The following EPHB1 variants were observed in gnomAD, a reference collection of about 807,000 sequenced individuals.
EPHB1 encodes ephrin type-B receptor 1.
Under a neutral mutation model 94.4 loss-of-function variants are expected in EPHB1, and 30 were observed. The observed-to-expected ratio is 0.32, with a 90% CI of 0.24 to 0.43. The LOEUF (loss-of-function observed/expected upper bound fraction) is 0.43. Among genes scored for constraint, EPHB1 ranks in the 20% least tolerant of loss-of-function variants. EPHB1 has a pLI of 1.00. For missense variants in EPHB1, 1,055 were observed against 1,308.3 expected, an observed-to-expected ratio of 0.81 and a Z score of 2.99; for synonymous variants, 522 against 489.1, an observed-to-expected ratio of 1.07 and a Z score of -0.89.
chr3:134,806,662 A>C (rs1329967321), intron 1 of EPHB1, among the ~76,000 whole-genome samples: 1 of 152,198 alleles, frequency 6.6e-6, no homozygotes, highest in African/African-American at 2.4e-5. Flanking sequence ...TAAACCTAGA[A>C]AGGGACTTAG....
intron 15 of EPHB1, among the ~76,000 whole-genome samples, chr3:135,257,476 A>C (rs1224243122): frequency 6.6e-6 from 1 of 152,020 alleles, no homozygotes; most frequent in Non-Finnish European, 1.5e-5. Context: ...GTACCCTGCC[A>C]TGTGAGGTGT....
At chr3:134,804,069 C>CTTTTTTTTTTTTTT (rs1560240142) in intron 1 of EPHB1, among the ~76,000 whole-genome samples, 3 of 51,810 alleles carry the variant, frequency 5.8e-5, no homozygotes, top group Non-Finnish European at 1.0e-4. Flanking sequence ...TCATTATTGG[C>CTTTTTTTTTTTTTT]TATTTTTTTT....
chr3:134,871,798 A>G (rs1303450081), intron 1 of EPHB1, among the ~76,000 whole-genome samples: 1 of 152,100 alleles, frequency 6.6e-6, no homozygotes, highest in Non-Finnish European at 1.5e-5. Context: ...TTATGTCCAA[A>G]TGGGCGCTGC....
intron 3 of EPHB1, among the ~76,000 whole-genome samples, chr3:135,087,652 T>C (rs1178902797): frequency 1.3e-5 from 2 of 152,156 alleles, no homozygotes; most frequent in Non-Finnish European, 2.9e-5. Flanking sequence ...AGGATATCCA[T>C]GCACAATAAT....
chr3:135,133,161 G>T, intron 5 of EPHB1, 112 bp downstream of exon 5: 3 of 1,090,542 alleles, frequency 2.8e-6, no homozygotes, highest in Non-Finnish European at 3.9e-6. Context: ...TCAGGCCTCT[G>T]CCCAGGAGTG....
chr3:135,205,456 C>G (rs1005672780), intron 12 of EPHB1, among the ~76,000 whole-genome samples: 38 of 152,246 alleles, frequency 2.5e-4, no homozygotes, highest in Admixed American at 2.0e-3. Flanking sequence ...CATGTAATAG[C>G]TATGTCTTCT....
intron 1 of EPHB1, among the ~76,000 whole-genome samples, chr3:134,821,878 T>C (rs1490986660): frequency 6.6e-6 from 1 of 152,070 alleles, no homozygotes; most frequent in African/African-American, 2.4e-5. Flanking sequence ...TTTGGTCTAG[T>C]TGTGGGGGAA....
intron 1 of EPHB1, among the ~76,000 whole-genome samples, chr3:134,851,980 G>A (rs1469839831): frequency 1.3e-5 from 2 of 152,190 alleles, no homozygotes; most frequent in African/African-American, 4.8e-5. Flanking sequence ...CTGAATGTCT[G>A]TTTTGAAACT....
rs547362495 is a variant in EPHB1, at chr3:135,102,571, G to GT, written c.806-3877_806-3876insT. Among the ~76,000 whole-genome samples, 222 of 152,318 alleles carry GT rather than the reference G, an allele frequency of 1.5e-3. 1 individual carries two copies. The highest frequency in any genetic ancestry group is 5.1e-3 in the African/African-American group (211 of 41,568). ...CCTGGCACTTTCACCCTTGTTTTAAGCATGAATTCTATGAGAAAGTATAGC... is the reference window on the plus strand; with the variant it reads ...CCTGGCACTTTCACCCTTGTTTTAAGTCATGAATTCTATGAGAAAGTATAGC... On this transcript the variant is annotated intron_variant, in intron 3 of 15. Transcript: ENST00000398015.
intron 1 of EPHB1, among the ~76,000 whole-genome samples, chr3:134,822,149 C>T (rs1454251970): frequency 1.3e-5 from 2 of 152,188 alleles, no homozygotes; most frequent in African/African-American, 4.8e-5. Context: ...CTGGCAAAGA[C>T]GTCCCCTTCC....
At chr3:135,044,817 T>C (rs1346672009) in intron 3 of EPHB1, among the ~76,000 whole-genome samples, 1 of 152,254 alleles carries the variant, frequency 6.6e-6, no homozygotes, top group African/African-American at 2.4e-5. Flanking sequence ...TGCCTACTCA[T>C]TTCGAGTACA....
chr3:135,201,100 A>G (rs1942740817), intron 11 of EPHB1, among the ~76,000 whole-genome samples: 1 of 152,098 alleles, frequency 6.6e-6, no homozygotes, highest in African/African-American at 2.4e-5. Flanking sequence ...TTTTTAAGCC[A>G]GGGACTGACA....
chr3:134,929,045 C>A (rs892211204), intron 2 of EPHB1, among the ~76,000 whole-genome samples: 2 of 152,028 alleles, frequency 1.3e-5, no homozygotes, highest in African/African-American at 4.8e-5. Flanking sequence ...GGTGAAGAGT[C>A]AGTAGGAGGT....
At chr3:134,869,743 GCAGT>G (rs1202297763) in intron 1 of EPHB1, among the ~76,000 whole-genome samples, 4 of 75,072 alleles carry the variant, frequency 5.3e-5, no homozygotes, top group African/African-American at 4.0e-4. Context: ...AAAAGTGATA[GCAGT>G]TTTTTTTTAG....
chr3:135,036,668 G>C lies in EPHB1; in HGVS notation c.806-69780G>C, dbSNP rs560294382. On this transcript the variant is annotated intron_variant, in intron 3 of 15. Transcript: ENST00000398015. ...CATCTTCTTCTGAACCGTTGTATAA[G>C]CATGGGATAGGTTCCTTAACCTCTG... Among the ~76,000 whole-genome samples the C allele has an allele frequency of 2.0e-4, 30 of 152,276 alleles. No individual in the cohort carries two copies. In the South Asian group the frequency reaches 5.8e-3, roughly 29 times the overall value.
intron 3 of EPHB1, among the ~76,000 whole-genome samples, chr3:134,983,490 G>T (rs958188286): frequency 1.3e-5 from 2 of 152,206 alleles, no homozygotes; most frequent in Non-Finnish European, 2.9e-5. Flanking sequence ...AGACTCATCC[G>T]CTGGCCAGAG....
chr3:135,234,248 C>T (rs1943598336), intron 12 of EPHB1, among the ~76,000 whole-genome samples: 2 of 152,212 alleles, frequency 1.3e-5, no homozygotes, highest in South Asian at 4.1e-4. Context: ...CCACAGACCT[C>T]TAGGGCAGGG....
At chr3:135,142,063 G>T (rs1168949170) in intron 5 of EPHB1, among the ~76,000 whole-genome samples, 1 of 152,218 alleles carries the variant, frequency 6.6e-6, no homozygotes, top group Non-Finnish European at 1.5e-5. Flanking sequence ...TGCATAATTT[G>T]TGGAGAGTTT....
At chr3:134,876,818 G>C (rs568232707) in intron 1 of EPHB1, among the ~76,000 whole-genome samples, 1 of 152,118 alleles carries the variant, frequency 6.6e-6, no homozygotes, top group Non-Finnish European at 1.5e-5. Context: ...CTAAAGAAAG[G>C]GGCTGTCAAT....
Sources: allele counts gnomAD v4.1 joint callset (sites outside exome capture counted in the v4.1 genomes callset), GRCh38; gene constraint gnomAD v4.1.1; transcripts MANE v1.5; gene names NCBI Gene and HGNC (gene_info 2026-07-23, HGNC 2026-07-21).